The following SLC2A9 variants were observed in gnomAD, a reference collection of about 807,000 sequenced individuals.
SLC2A9 encodes the protein solute carrier family 2, facilitated glucose transporter member 9.
A neutral mutation model predicts 50.6 loss-of-function variants in SLC2A9; 39 were observed. That is an observed-to-expected ratio of 0.77 (90% CI 0.60 to 1.01). SLC2A9 has a LOEUF of 1.01. SLC2A9 is among the 50% of genes least tolerant of loss of function. SLC2A9 has a pLI of 0.00. For missense variants in SLC2A9, 686 were observed against 677.6 expected (o/e 1.01, Z -0.14); for synonymous variants, 324 against 276.9 (o/e 1.17, Z -1.69).
chr4:9,913,549 G>C (rs12649245), intron 7 of SLC2A9, among the ~76,000 whole-genome samples: 22,614 of 152,120 alleles, frequency 0.15, 2,678 homozygotes, highest in East Asian at 0.67. Flanking sequence ...CTGTTTCCAG[G>C]GACCTCCTTT....
At chr4:9,798,350 A>C (rs764980727), downstream of SLC2A9, among the ~76,000 whole-genome samples, 4 of 152,236 alleles carry the variant, frequency 2.6e-5, no homozygotes, top group Non-Finnish European at 4.4e-5. Flanking sequence ...GCACCTTCGC[A>C]ATCAGTCTGG....
At chr4:9,987,287 T>G (rs906142617) in intron 3 of SLC2A9, among the ~76,000 whole-genome samples, 1 of 152,058 alleles carries the variant, frequency 6.6e-6, no homozygotes, top group Non-Finnish European at 1.5e-5. Context: ...ACCCAGCTAA[T>G]TTTTGTATTT....
chr4:10,037,887 G>A (rs1381804484), intron 1 of SLC2A9, among the ~76,000 whole-genome samples: 2 of 152,150 alleles, frequency 1.3e-5, no homozygotes, highest in African/African-American at 4.8e-5. Context: ...GGAGGTGAAG[G>A]TTGCAGTGAG....
At chr4:9,879,846 C>T (rs1734911970) in intron 10 of SLC2A9, 21 of 985,464 alleles carry the variant, frequency 2.1e-5, no homozygotes, top group Non-Finnish European at 2.5e-5. Flanking sequence ...ATTTATTAGA[C>T]TTCCCTGCCA....
chr4:9,976,874 C>G (rs1048362317), intron 5 of SLC2A9, among the ~76,000 whole-genome samples: 7 of 152,226 alleles, frequency 4.6e-5, no homozygotes, highest in African/African-American at 1.7e-4. Flanking sequence ...GTCACCTTTT[C>G]CCCTGCAGAG....
At chr4:9,904,012 A>G (rs1329355537) in intron 8 of SLC2A9, among the ~76,000 whole-genome samples, 2 of 149,898 alleles carry the variant, frequency 1.3e-5, no homozygotes, top group Non-Finnish European at 3.0e-5. Flanking sequence ...TATAAATATG[A>G]TATTTTTATA....
chr4:10,006,632 T>G (rs1025794552), intron 2 of SLC2A9: 1 of 152,084 alleles, frequency 6.6e-6, no homozygotes, highest in Non-Finnish European at 1.5e-5. Flanking sequence ...AGGCCTCCTG[T>G]GTAGAAAAGA....
chr4:10,037,420 C>T (rs893322365), intron 1 of SLC2A9, among the ~76,000 whole-genome samples: 1 of 152,154 alleles, frequency 6.6e-6, no homozygotes, highest in African/African-American at 2.4e-5. Flanking sequence ...TCTGGGCAAA[C>T]CTTTTTCTCC....
At chr4:9,903,954 T>A (rs1740147460) in intron 8 of SLC2A9, among the ~76,000 whole-genome samples, 1 of 148,080 alleles carries the variant, frequency 6.8e-6, no homozygotes, top group African/African-American at 2.4e-5. Flanking sequence ...TTCAAATACA[T>A]AATATATAAA....
intron 3 of SLC2A9, among the ~76,000 whole-genome samples, chr4:9,801,459 T>C (rs1339551898): frequency 1.3e-5 from 2 of 152,184 alleles, no homozygotes; most frequent in African/African-American, 4.8e-5. Flanking sequence ...GTTTACACAA[T>C]AAATTCAACC....
chr4:9,891,658 T>C (rs4697908), intron 8 of SLC2A9, among the ~76,000 whole-genome samples: 68,667 of 152,026 alleles, frequency 0.45, 17,961 homozygotes, highest in African/African-American at 0.72. Flanking sequence ...ACAGCAGACA[T>C]CACAGAGCAA....
At chr4:9,952,461 C>T (rs1285023835) in intron 5 of SLC2A9, among the ~76,000 whole-genome samples, 1 of 152,124 alleles carries the variant, frequency 6.6e-6, no homozygotes, top group African/African-American at 2.4e-5. Flanking sequence ...CAGTGCCATG[C>T]ATGTACAGTC....
chr4:9,867,132 T>C (rs938206731), intron 10 of SLC2A9, among the ~76,000 whole-genome samples: 6 of 152,204 alleles, frequency 3.9e-5, no homozygotes, highest in African/African-American at 7.2e-5. Context: ...TCCTAGCAGT[T>C]TATTTTTGAC....
chr4:9,858,444 G>A (rs977280960), intron 10 of SLC2A9, among the ~76,000 whole-genome samples: 17 of 152,088 alleles, frequency 1.1e-4, no homozygotes, highest in African/African-American at 3.9e-4. Flanking sequence ...TGTTTATCAG[G>A]GTTTTTCCTT....
intron 7 of SLC2A9, among the ~76,000 whole-genome samples, chr4:9,912,249 C>T (rs186323547): frequency 3.3e-5 from 5 of 152,026 alleles, no homozygotes; most frequent in Admixed American, 1.3e-4. Flanking sequence ...ATGTAACAAA[C>T]CTGCACGTTG....
chr4:10,037,201 T>C (rs1764133943), intron 1 of SLC2A9, among the ~76,000 whole-genome samples: 1 of 152,176 alleles, frequency 6.6e-6, no homozygotes, highest in African/African-American at 2.4e-5. Flanking sequence ...ATGATGACAA[T>C]CTAATTTTGG....
chr4:9,806,317 C>G (rs1722108303), intron 3 of SLC2A9, among the ~76,000 whole-genome samples: 1 of 152,252 alleles, frequency 6.6e-6, no homozygotes, highest in Non-Finnish European at 1.5e-5. Flanking sequence ...AAACAACAAA[C>G]AACAGCATGA....
In SLC2A9 at chr4:9,971,427, T is replaced by C. The variant is rs79236738; in HGVS notation, c.681+9165A>G. Among the ~76,000 whole-genome samples, 1,442 of 152,298 alleles carry C rather than the reference T, an allele frequency of 9.5e-3. 27 individuals are homozygous for C. The highest frequency in any genetic ancestry group is 0.033 in the African/African-American group (1,389 of 41,564). ...ATACTGGCCCAACACTTTTAGATAA[T>C]AGTAAATGCCTACAGAATAGACAAA... On this transcript the variant is annotated intron_variant, in intron 5 of 11. Coordinates refer to ENST00000264784, the MANE Select transcript of SLC2A9 (RefSeq NM_020041.3).
At chr4:9,971,170 G>A (rs1460629447) in intron 5 of SLC2A9, among the ~76,000 whole-genome samples, 3 of 152,170 alleles carry the variant, frequency 2.0e-5, no homozygotes, top group East Asian at 1.9e-4. Context: ...GAGAGGTTTT[G>A]TCTGTGGCTC....
Sources: allele counts gnomAD v4.1 joint callset (sites outside exome capture counted in the v4.1 genomes callset), GRCh38; gene constraint gnomAD v4.1.1; transcripts MANE v1.5; gene names NCBI Gene and HGNC (gene_info 2026-07-23, HGNC 2026-07-21).